TMTC2: variants seen among roughly 807,000 people sequenced by gnomAD.
TMTC2 encodes the protein protein O-mannosyl-transferase TMTC2.
TMTC2 carries 43 observed loss-of-function variants against 82.4 expected under a neutral mutation model. The ratio of observed to expected loss-of-function variants is 0.52; its 90% confidence interval spans 0.41 to 0.67. The LOEUF (loss-of-function observed/expected upper bound fraction) is 0.67, where lower values mean the gene tolerates loss of function less well. Ranked by LOEUF, TMTC2 falls within the 30% of genes least tolerant of loss-of-function variation. The probability of loss-of-function intolerance (pLI) is 0.00; values close to 1 mark genes in which losing one functional copy is unlikely to be tolerated. For missense variants in TMTC2, 919 were observed against 1,012.4 expected (o/e 0.91, Z 1.25); for synonymous variants, 408 against 381.9 (o/e 1.07, Z -0.80).
chr12:82,942,213 A>G lies in TMTC2; in HGVS notation c.1598+11668A>G, dbSNP rs1289308695. 6.6e-5 allele frequency among the ~76,000 whole-genome samples: 10 copies of G among 152,372 alleles called. No individual in the cohort carries two copies. In the East Asian group the frequency reaches 1.9e-3, roughly 29 times the overall value. On this transcript the variant is annotated intron_variant, in intron 4 of 11. Transcript: ENST00000321196. ...AATGAATATGTTACTTAAATGGATA[A>G]CCAGCCAAGGGATATTTCAGCAAAA... is the stretch of plus-strand genomic sequence containing the variant.
chr12:82,840,913 G>A (rs749660862), intron 1 of TMTC2, among the ~76,000 whole-genome samples: 5 of 152,054 alleles, frequency 3.3e-5, no homozygotes, highest in East Asian at 1.9e-4. Flanking sequence ...CTGAGTAGCC[G>A]GGATTACAGG....
In TMTC2 at chr12:82,857,248, A is replaced by C. The variant is rs1445657564; in HGVS notation, c.322A>C (p.Ile108Leu). ...TGGTCTCTTCACAAGCTTCTCCAAG[A>C]TCCTCCTTGGTGATGGATACTGGAC... Reference protein sequence around the residue: ...VTGLFTSFSKILLGDGYWTFM... With the variant: ...VTGLFTSFSKLLLGDGYWTFM... The change falls in exon 2 of 12, where the codon ATC (isoleucine) becomes CTC (leucine). Residue 108 changes from isoleucine to leucine, a missense_variant. Ile to Leu is a conservative substitution (Grantham distance 5, BLOSUM62 2). Transcript: ENST00000321196. 2 of 1,614,120 alleles carry C rather than the reference A, an allele frequency of 1.2e-6. No individual in the cohort carries two copies. The highest frequency in any genetic ancestry group is 3.3e-5 in the Admixed American group (2 of 60,018).
At chr12:82,751,559 A>T (rs4882431) in intron 1 of TMTC2, among the ~76,000 whole-genome samples, 146,833 of 151,908 alleles carry the variant, frequency 0.97, 71,076 homozygotes, top group East Asian at 1. Context: ...AAAATAAAAT[A>T]AAATATATAA....
rs1292809568 is a variant in TMTC2, at chr12:82,965,026, G to C, written c.1601G>C (p.Gly534Ala). Residue 534 changes from glycine to alanine, a missense_variant and splice_region_variant, in exon 5 of 12, where the codon GGG becomes GCG. Gly to Ala is a moderately conservative substitution (Grantham distance 60). Coordinates refer to ENST00000321196, the MANE Select transcript of TMTC2 (RefSeq NM_152588.3). The stretch of plus-strand genomic sequence containing the variant: ...AAATTTCTGTTTTCCTCATGCAGAG[G>C]GCTACTTCTCCAGGAGAACAGCAGG... ...SNMADMLYNL[G>A]LLLQENSRFA... The C allele has an allele frequency of 1.9e-6, 3 of 1,610,368 alleles. No individual in the cohort carries two copies. The South Asian group carries it at 3.3e-5, about 18-fold the overall frequency.
At chr12:82,945,825 C>T (rs185879086) in intron 4 of TMTC2, among the ~76,000 whole-genome samples, 18 of 152,158 alleles carry the variant, frequency 1.2e-4, no homozygotes, top group African/African-American at 4.1e-4. Context: ...CTTTCTTGTA[C>T]AAAACCTAAC....
rs962402278 is a variant in TMTC2, at chr12:82,830,589, T to C, written c.84-26421T>C. ...CTAATGGTATCTTGAAGATACACTG[T>C]ATGTCTTCAGTTTTAATTGTTTTTC... On this transcript the variant is annotated intron_variant, in intron 1 of 11. Coordinates refer to ENST00000321196, the MANE Select transcript of TMTC2 (RefSeq NM_152588.3). 3.3e-5 allele frequency among the ~76,000 whole-genome samples: 5 copies of C among 152,182 alleles called. No homozygotes were observed. The South Asian group carries it at 1.0e-3, about 32-fold the overall frequency.
chr12:83,085,282 C>G (rs1219081288), intron 11 of TMTC2, among the ~76,000 whole-genome samples: 3 of 152,198 alleles, frequency 2.0e-5, no homozygotes, highest in Non-Finnish European at 4.4e-5. Flanking sequence ...GTTCTGACTT[C>G]CCGTGACAGA....
intron 2 of TMTC2, among the ~76,000 whole-genome samples, chr12:82,883,265 T>G (rs547990161): frequency 1.3e-5 from 2 of 152,266 alleles, no homozygotes; most frequent in African/African-American, 4.8e-5. Context: ...CTATTTAAAT[T>G]CTGTAGAAGA....
intron 11 of TMTC2, among the ~76,000 whole-genome samples, chr12:83,089,978 A>G (rs998424330): frequency 6.6e-6 from 1 of 152,156 alleles, no homozygotes; most frequent in Admixed American, 6.6e-5. Context: ...CTCCAACTTG[A>G]GTCGTTACAG....
intron 4 of TMTC2, among the ~76,000 whole-genome samples, chr12:82,943,071 C>T (rs1193233367): frequency 1.3e-5 from 2 of 152,086 alleles, no homozygotes; most frequent in African/African-American, 4.8e-5. Flanking sequence ...GAGAGAGCTG[C>T]TTATATAAAC....
At chr12:82,737,599 T>C (rs1378433314) in intron 1 of TMTC2, among the ~76,000 whole-genome samples, 1 of 152,220 alleles carries the variant, frequency 6.6e-6, no homozygotes, top group African/African-American at 2.4e-5. Context: ...CATAATAGGC[T>C]TGCAGTTTGG....
At chr12:82,906,228 C>T (rs1344490128) in intron 3 of TMTC2, among the ~76,000 whole-genome samples, 1 of 152,058 alleles carries the variant, frequency 6.6e-6, no homozygotes, top group Non-Finnish European at 1.5e-5. Context: ...GTGTCTTTAA[C>T]TATGATGAGT....
intron 8 of TMTC2, among the ~76,000 whole-genome samples, chr12:82,990,622 A>G (rs1879359074): frequency 6.6e-6 from 1 of 152,008 alleles, no homozygotes; most frequent in African/African-American, 2.4e-5. Flanking sequence ...GACACTTCCA[A>G]ATAGAATGAC....
chr12:82,731,586 A>T (rs1378794932), intron 1 of TMTC2, among the ~76,000 whole-genome samples: 1 of 152,200 alleles, frequency 6.6e-6, no homozygotes, highest in Non-Finnish European at 1.5e-5. Context: ...AATACTTGAT[A>T]ATTAGTTTAC....
intron 1 of TMTC2, among the ~76,000 whole-genome samples, chr12:82,794,340 TC>T (rs1222742256): frequency 6.6e-6 from 1 of 152,002 alleles, no homozygotes; most frequent in Non-Finnish European, 1.5e-5. Flanking sequence ...TTTCCCCTCT[TC>T]CCCATCTACC....
intron 1 of TMTC2, among the ~76,000 whole-genome samples, chr12:82,705,558 T>C (rs1401852038): frequency 1.3e-5 from 2 of 152,246 alleles, no homozygotes; most frequent in South Asian, 2.1e-4. Context: ...TGTAAAAATA[T>C]GATAGTTCTA....
intron 11 of TMTC2, among the ~76,000 whole-genome samples, chr12:83,129,022 A>G (rs889305152): frequency 6.6e-6 from 1 of 152,174 alleles, no homozygotes; most frequent in African/African-American, 2.4e-5. Context: ...ACATTTTAGC[A>G]TATCTGTATA....
At chr12:83,084,090 A>G (rs1883566038) in intron 11 of TMTC2, among the ~76,000 whole-genome samples, 1 of 152,134 alleles carries the variant, frequency 6.6e-6, no homozygotes, top group African/African-American at 2.4e-5. Context: ...TAGGAGCTCT[A>G]TTTAATTTTG....
chr12:82,913,974 GAA>G (rs370101264), intron 3 of TMTC2, among the ~76,000 whole-genome samples: 1 of 149,718 alleles, frequency 6.7e-6, no homozygotes, highest in South Asian at 2.1e-4. Context: ...GTGTTTGGTT[GAA>G]AAAAAAAATC....
Sources: gnomAD v4.1 joint callset for allele counts (sites outside exome capture counted in the v4.1 genomes callset) on GRCh38, gnomAD v4.1.1 for gene constraint, MANE v1.5 for transcripts, NCBI Gene and HGNC (gene_info 2026-07-23, HGNC 2026-07-21) for gene names.